Variants in UBE2S observed in about 807,000 individuals in gnomAD.
UBE2S encodes the protein ubiquitin-conjugating enzyme E2 S.
In UBE2S, 3 loss-of-function variants were observed where a neutral mutation model predicts 12.3. That is an observed-to-expected ratio of 0.24 (90% confidence interval 0.11 to 0.63). The LOEUF is 0.63. UBE2S is among the 30% of genes least tolerant of loss of function. The pLI, the probability that UBE2S is intolerant of heterozygous loss-of-function variation, is 0.85. For synonymous variants in UBE2S, 133 were observed against 142.0 expected, an observed-to-expected ratio of 0.94 and a Z score of 0.45; for missense variants, 211 against 313.9, an observed-to-expected ratio of 0.67 and a Z score of 2.48.
intron 1 of UBE2S, among the ~76,000 whole-genome samples, chr19:55,407,280 A>C (rs998868395): frequency 2.3e-5 from 3 of 129,858 alleles, no homozygotes; most frequent in Non-Finnish European, 4.6e-5. Flanking sequence ...CCCCTTCTCC[A>C]CTAATTTTTG....
rs2090047756 is a variant in UBE2S, at chr19:55,400,305, T to C, written c.*1131A>G. ...AAGTTGGGATTACAGGCGTGAGCCA[T>C]TGCGCCTGGCCTATTTTTAATTTTT... On this transcript the variant is annotated 3_prime_UTR_variant, in exon 4 of 4. Transcript: ENST00000264552. 1 of 152,206 alleles carries C rather than the reference T, an allele frequency of 6.6e-6. No individual in the cohort carries two copies. The highest frequency in any genetic ancestry group is 2.4e-5 in the African/African-American group (1 of 41,436). The allele number at this position is 152,206 out of a possible 1,614,324, so 9.4% of individuals were successfully genotyped here. A position where few individuals can be genotyped will look rare whatever the true frequency, so the allele number is the denominator to read the frequency against.
intron 1 of UBE2S, among the ~76,000 whole-genome samples, 166 bp from the exon 2 acceptor site, chr19:55,407,128 C>A (rs2090100973): frequency 6.6e-6 from 1 of 151,304 alleles, no homozygotes; most frequent in African/African-American, 2.4e-5. Context: ...TCAGCCCAGG[C>A]AGAGTTTCCA....
chr19:55,401,836 C>A, intron 3 of UBE2S, 74 bp from the exon 4 acceptor site: 2 of 1,516,998 alleles, frequency 1.3e-6, no homozygotes, highest in South Asian at 1.1e-5. Context: ...AAGAGGGTGG[C>A]CTCCGCACTG....
intron 1 of UBE2S, among the ~76,000 whole-genome samples, chr19:55,407,335 C>T (rs1334937804): frequency 1.3e-5 from 2 of 152,108 alleles, no homozygotes; most frequent in Admixed American, 1.3e-4. Context: ...GAGATGGCGG[C>T]GGGGCGTCCT....
intron 1 of UBE2S, among the ~76,000 whole-genome samples, 168 bp from the exon 2 acceptor site, chr19:55,407,130 GAGTTTCCAAC>G (rs1275675050): frequency 6.6e-6 from 1 of 151,610 alleles, no homozygotes; most frequent in Non-Finnish European, 1.5e-5. Context: ...AGCCCAGGCA[GAGTTTCCAAC>G]AGAAATGGGG....
rs545165832 is a variant in UBE2S at position 55,401,795 on chromosome 19, G to C, written c.343-33C>G. The C allele has an allele frequency of 6.8e-6, 11 of 1,611,060 alleles. No homozygotes were observed. In the South Asian group the frequency reaches 7.7e-5, roughly 11 times the overall value. On this transcript the variant is annotated intron_variant, in intron 3 of 3. Coordinates refer to ENST00000264552, the MANE Select transcript of UBE2S (RefSeq NM_014501.3). ...AAGAGGCTCAGGGTCACAGTGGGTC[G>C]GGCAACCTACAGGGACCCCCAGGCC...
chr19:55,404,212 C>G lies in UBE2S; in HGVS notation c.342+76G>C. The G allele has an allele frequency of 6.3e-7, 1 of 1,577,272 alleles. No individual in the cohort carries two copies. The highest frequency in any genetic ancestry group is 1.1e-5 in the South Asian group (1 of 88,762). ...TCAGAGTTGATTCAGAAAAACTAAA[C>G]AAAGCGCTATGGCTCAGACACCAGC... On this transcript the variant is annotated intron_variant, in intron 3 of 3. Coordinates refer to ENST00000264552, the MANE Select transcript of UBE2S (RefSeq NM_014501.3). This position sits in a 1 kb window ranked among gnomAD's most constrained non-coding sequence, Gnocchi z 4.4.
At chr19:55,405,697 G>A (rs1378283060) in intron 2 of UBE2S, among the ~76,000 whole-genome samples, 1 of 152,104 alleles carries the variant, frequency 6.6e-6, no homozygotes, top group African/African-American at 2.4e-5. Flanking sequence ...CCAGGTGGCA[G>A]GGACCCAAGT....
chr19:55,403,262 T>C (rs1452911965), intron 3 of UBE2S: 2 of 575,336 alleles, frequency 3.5e-6, no homozygotes, highest in Admixed American at 3.1e-5. Context: ...GGAACTGAGT[T>C]TTACGGCATG....
chr19:55,401,360 T>A lies in UBE2S; in HGVS notation c.*76A>T. ...ACCCTCCCCGACCCCAGCCATAATT[T>A]AAATAACTTAGAGACAGAGTTGGAG... On this transcript the variant is annotated 3_prime_UTR_variant, in exon 4 of 4. Coordinates refer to ENST00000264552, the MANE Select transcript of UBE2S (RefSeq NM_014501.3). 1 of 1,040,628 alleles carries A rather than the reference T, an allele frequency of 9.6e-7. No individual in the cohort carries two copies. The highest frequency in any genetic ancestry group is 1.4e-6 in the Non-Finnish European group (1 of 725,922). The allele number at this position is 1,040,628 out of a possible 1,614,324, so 64.5% of individuals were successfully genotyped here. A position where few individuals can be genotyped will look rare whatever the true frequency, so the allele number is the denominator to read the frequency against.
At chr19:55,403,413 C>G (rs546465381) in intron 3 of UBE2S, among the ~76,000 whole-genome samples, 1 of 152,010 alleles carries the variant, frequency 6.6e-6, no homozygotes, top group Admixed American at 6.6e-5. Context: ...CACCTGAGCC[C>G]AGGAGTTCAA....
intron 3 of UBE2S, among the ~76,000 whole-genome samples, chr19:55,403,742 ATT>A (rs34062896): frequency 0.52 from 73,385 of 139,936 alleles, 19,834 homozygotes; most frequent in African/African-American, 0.67. Context: ...TTTTTATCTT[ATT>A]TTTTTTTTTT....
In UBE2S at chr19:55,401,389, G is replaced by A. The variant is rs2090056433; in HGVS notation, c.*47C>T. ...TAACTTAGAGACAGAGTTGGAGGGA[G>A]GGGACAGGAGAGGTTGGGGTCACGG... On this transcript the variant is annotated 3_prime_UTR_variant, in exon 4 of 4. Transcript: ENST00000264552. The A allele has an allele frequency of 4.7e-6, 6 of 1,280,030 alleles. No homozygotes were observed. The highest frequency in any genetic ancestry group is 6.5e-6 in the Non-Finnish European group (6 of 917,702). The allele number at this position is 1,280,030 out of a possible 1,614,324, so 79.3% of individuals were successfully genotyped here.
At chr19:55,402,842 A>G in intron 3 of UBE2S, 1 of 987,600 alleles carries the variant, frequency 1.0e-6, no homozygotes, top group Non-Finnish European at 1.5e-6. Flanking sequence ...CTTGGAGCTC[A>G]ATCCTCTCCC....
chr19:55,401,622 G>C lies in UBE2S; in HGVS notation c.483C>G (p.Pro161=), dbSNP rs1419949673. 6.2e-7 allele frequency: 1 copy of C among 1,605,818 alleles called. No individual in the cohort carries two copies. The highest frequency in any genetic ancestry group is 1.1e-5 in the South Asian group (1 of 90,694). The stretch of plus-strand genomic sequence containing the variant: ...CCCGACCGGCTTCGGCCCTGCCGCT[G>C]GGCCCGCCGGCGCCCCCGTGGATCT... ...LTEIHGGAGG[P]SGRAEAGRAL... The change falls in exon 4 of 4, where the codon CCC becomes CCG. Residue 161 remains proline (P), a synonymous_variant. Transcript: ENST00000264552.
rs1451239204 is a variant in UBE2S, at chr19:55,401,226, T to C, written c.*210A>G. On this transcript the variant is annotated 3_prime_UTR_variant, in exon 4 of 4. Transcript: ENST00000264552. ...CAGGGCCTGTGCAGGGGAGCCAAAC[T>C]CCCAGAGCCACATGGCACCATGCAG... is the stretch of plus-strand genomic sequence containing the variant. 3 of 637,038 alleles carry C rather than the reference T, an allele frequency of 4.7e-6. No individual in the cohort carries two copies. The highest frequency in any genetic ancestry group is 8.0e-6 in the Non-Finnish European group (3 of 375,018). 39.5% of individuals were successfully genotyped at this position (637,038 alleles called of 1,614,324 possible). A position where few individuals can be genotyped will look rare whatever the true frequency, so the allele number is the denominator to read the frequency against.
chr19:55,402,941 A>G (rs1299668112), intron 3 of UBE2S: 4 of 1,510,076 alleles, frequency 2.6e-6, no homozygotes, highest in Non-Finnish European at 3.5e-6. Context: ...TTTTTTTTTC[A>G]GCTTGCGGGA....
chr19:55,407,032 T>A, intron 1 of UBE2S, 70 bp from the exon 2 acceptor site: 1 of 1,559,014 alleles, frequency 6.4e-7, no homozygotes, highest in South Asian at 1.2e-5. Flanking sequence ...CTAAAGATGC[T>A]GAGACTGCCC....
chr19:55,404,182 C>G lies in UBE2S; in HGVS notation c.342+106G>C. The G allele has an allele frequency of 7.1e-7, 1 of 1,417,098 alleles. No homozygotes were observed. The highest frequency in any genetic ancestry group is 2.4e-5 in the East Asian group (1 of 41,398). The allele number at this position is 1,417,098 out of a possible 1,614,324, so 87.8% of individuals were successfully genotyped here. ...TGGATTTTTATGTGGAAACCTTCAA[C>G]CACTTCAGAGTTGATTCAGAAAAAC... On this transcript the variant is annotated intron_variant, in intron 3 of 3. Coordinates refer to ENST00000264552, the MANE Select transcript of UBE2S (RefSeq NM_014501.3). This position sits in a 1 kb window ranked among gnomAD's most constrained non-coding sequence, Gnocchi z 4.4.
Sources: gnomAD v4.1 joint callset for allele counts (sites outside exome capture counted in the v4.1 genomes callset) on GRCh38, gnomAD v4.1.1 for gene constraint, Gnocchi (gnomAD v3.1) non-coding constraint, MANE v1.5 for transcripts, NCBI Gene and HGNC (gene_info 2026-07-23, HGNC 2026-07-21) for gene names.